Variants in YTHDF3 observed in about 807,000 individuals in gnomAD.
YTHDF3 encodes YTH N6-methyladenosine RNA binding protein F3.
Under a neutral mutation model 52.5 loss-of-function variants are expected in YTHDF3, and 9 were observed. That is an observed-to-expected ratio of 0.17 (90% CI 0.10 to 0.30). YTHDF3 has a LOEUF of 0.30. Ranked by LOEUF, YTHDF3 falls within the 10% of genes least tolerant of loss-of-function variation. The pLI is 1.00. For missense variants in YTHDF3, 534 were observed against 715.0 expected, an observed-to-expected ratio of 0.75 and a Z score of 2.89; for synonymous variants, 274 against 243.3, an observed-to-expected ratio of 1.13 and a Z score of -1.18.
intron 3 of YTHDF3, among the ~76,000 whole-genome samples, chr8:63,177,846 C>T (rs1473146326): frequency 4.0e-5 from 6 of 150,870 alleles, no homozygotes; most frequent in African/African-American, 7.3e-5. Flanking sequence ...CAACCTCTGT[C>T]GCCCAGGTTC....
At chr8:63,171,340 T>TA (rs1193014350) in intron 2 of YTHDF3, among the ~76,000 whole-genome samples, 2 of 152,216 alleles carry the variant, frequency 1.3e-5, no homozygotes, top group African/African-American at 2.4e-5. Flanking sequence ...TTCTTGTAAT[T>TA]ACAGTAGTTC....
At chr8:63,185,850 T>A (rs1585757358) in intron 3 of YTHDF3, among the ~76,000 whole-genome samples, 1 of 152,212 alleles carries the variant, frequency 6.6e-6, no homozygotes, top group African/African-American at 2.4e-5. Context: ...ATGATATTTT[T>A]AAATTGTGAC....
Position 63,168,674 on chromosome 8 carries a change from G to A in YTHDF3, c.-204G>A, listed in dbSNP as rs543292666. 97 of 903,818 alleles carry A rather than the reference G, an allele frequency of 1.1e-4. No homozygotes were observed. The African/African-American group carries it at 1.6e-3, about 15-fold the overall frequency. The allele number at this position is 903,818 out of a possible 1,614,324, so 56.0% of individuals were successfully genotyped here. ...GACCCGAGAAGCAGAGAGCGAGAGG[G>A]GGAAGAGGAGCGTGCAAGCGGAAAA... On this transcript the variant is annotated 5_prime_UTR_variant, in exon 1 of 5. Transcript: ENST00000539294.
chr8:63,186,332 T>G lies in YTHDF3; in HGVS notation c.321T>G (p.Ser107Arg). The change falls in exon 4 of 5, where the codon AGT becomes AGG. Residue 107 changes from serine (S) to arginine (R), a missense_variant. This residue lies in a region of YTHDF3 where 196 missense variants were observed against 299.5 expected (regional missense o/e 0.65). Transcript: ENST00000539294. ...ACTATATACCAGATGGTGTATTTAGTCAACCTGGGGCATTAGGAAATACCC... is the reference window on the plus strand; with the variant it reads ...ACTATATACCAGATGGTGTATTTAGGCAACCTGGGGCATTAGGAAATACCC... ...EHHYIPDGVF[S>R]QPGALGNTPP... The G allele has an allele frequency of 6.2e-7, 1 of 1,614,048 alleles. No individual in the cohort carries two copies. Among genetic ancestry groups the G allele is most frequent in the South Asian group, 1.1e-5 (1 of 91,086 alleles).
Position 63,209,665 on chromosome 8 carries a change from GTGTTT to G in YTHDF3, c.1735-16_1735-12del. 6.5e-7 allele frequency: 1 copy of G among 1,536,856 alleles called. No individual in the cohort carries two copies. On this transcript the variant is annotated splice_polypyrimidine_tract_variant and intron_variant, in intron 4 of 4. Transcript: ENST00000539294. ...TCATTGTAATTCTTTTTGTGTGTGT[GTGTTT>G]TTTTTTTTTCAGGAGAGAAATAGAA...
intron 4 of YTHDF3, among the ~76,000 whole-genome samples, chr8:63,200,581 TC>T (rs1395306630): frequency 6.6e-6 from 1 of 152,092 alleles, no homozygotes; most frequent in African/African-American, 2.4e-5. Flanking sequence ...ATTGTGGTAC[TC>T]CCTGCCACAA....
At chr8:63,197,492 C>T (rs929313695) in intron 4 of YTHDF3, among the ~76,000 whole-genome samples, 1 of 152,088 alleles carries the variant, frequency 6.6e-6, no homozygotes, top group Non-Finnish European at 1.5e-5. Context: ...ATTGTCTAAT[C>T]TTTTTGACAG....
At chr8:63,201,068 G>A (rs1809609224) in intron 4 of YTHDF3, among the ~76,000 whole-genome samples, 1 of 152,170 alleles carries the variant, frequency 6.6e-6, no homozygotes, top group East Asian at 1.9e-4. Flanking sequence ...TGTCTTCAAG[G>A]AGCTAAAGTC....
intron 4 of YTHDF3, among the ~76,000 whole-genome samples, chr8:63,206,993 ATTAT>A (rs1213313295): frequency 2.6e-5 from 4 of 152,106 alleles, no homozygotes; most frequent in African/African-American, 9.7e-5. Context: ...GTACCTTGTA[ATTAT>A]TTGTCTCAGT....
intron 2 of YTHDF3, among the ~76,000 whole-genome samples, chr8:63,173,967 T>G (rs1807518016): frequency 6.6e-6 from 1 of 152,180 alleles, no homozygotes; most frequent in African/African-American, 2.4e-5. Context: ...AGTAACATCA[T>G]ATCTTTGATC....
intron 4 of YTHDF3, among the ~76,000 whole-genome samples, chr8:63,200,189 TC>T (rs1809513952): frequency 6.6e-6 from 1 of 152,130 alleles, no homozygotes; most frequent in African/African-American, 2.4e-5. Flanking sequence ...GAGCCTCAGT[TC>T]CTTTTGGCTG....
Position 63,186,761 on chromosome 8 carries a change from G to A in YTHDF3, c.750G>A (p.Pro250=), listed in dbSNP as rs61745071. Residue 250 remains proline, a synonymous_variant, in exon 4 of 5, where the codon CCG becomes CCA. Transcript: ENST00000539294. The part of the protein sequence containing the change: ...AIARKPAKPQ[P]KLKPKGNVGI... ...CCAGAAAGCCTGCCAAACCTCAACC[G>A]AAACTTAAACCCAAGGGCAATGTGG... 96 of 1,613,906 alleles carry A rather than the reference G, an allele frequency of 5.9e-5. No homozygotes were observed. The African/African-American group carries it at 8.3e-4, about 14-fold the overall frequency.
At chr8:63,200,613 G>A (rs1468358613) in intron 4 of YTHDF3, among the ~76,000 whole-genome samples, 4 of 151,788 alleles carry the variant, frequency 2.6e-5, no homozygotes, top group African/African-American at 9.7e-5. Context: ...CCTTTTTATG[G>A]GTGGACCATA....
intron 1 of YTHDF3, 159 bp downstream of exon 1, chr8:63,169,060 C>T (rs1807090641): frequency 7.1e-7 from 1 of 1,409,558 alleles, no homozygotes. Context: ...GGGGCGTGCG[C>T]CCTGGCCCCG....
At chr8:63,177,756 C>CTTA (rs1807795840) in intron 3 of YTHDF3, among the ~76,000 whole-genome samples, 1 of 149,790 alleles carries the variant, frequency 6.7e-6, no homozygotes, top group Admixed American at 6.7e-5. Context: ...TGTTCAAACT[C>CTTA]TTATTTTTTT....
Position 63,186,490 on chromosome 8 carries a change from G to A in YTHDF3, c.479G>A (p.Ser160Asn). 6.2e-7 allele frequency: 1 copy of A among 1,613,992 alleles called. No individual in the cohort carries two copies. Among genetic ancestry groups the A allele is most frequent in the Non-Finnish European group, 8.5e-7 (1 of 1,179,894 alleles). The change falls in exon 4 of 5, where the codon AGT becomes AAT. Residue 160 changes from serine to asparagine, a missense_variant. Transcript: ENST00000539294. ...AYSSSYGYPP[S>N]SLGRAITDGQ... Reference sequence around the variant, plus strand: ...AGTAGCAGTTATGGCTATCCACCTAGTTCTCTTGGGAGAGCTATTACTGAT... The same window carrying A: ...AGTAGCAGTTATGGCTATCCACCTAATTCTCTTGGGAGAGCTATTACTGAT...
intron 4 of YTHDF3, among the ~76,000 whole-genome samples, chr8:63,202,784 A>T (rs142548917): frequency 3.3e-5 from 5 of 151,876 alleles, no homozygotes; most frequent in African/African-American, 9.7e-5. Context: ...CTTTAGCATG[A>T]ATTTTTTTAG....
chr8:63,169,033 G>C lies in YTHDF3; in HGVS notation c.24+132G>C, dbSNP rs374840302. 1.2e-3 allele frequency: 1,728 copies of C among 1,450,784 alleles called. 2 individuals are homozygous for C. The Middle Eastern group carries it at 0.012, about 10-fold the overall frequency. 89.9% of individuals were successfully genotyped at this position (1,450,784 alleles called of 1,614,324 possible). A position where few individuals can be genotyped will look rare whatever the true frequency, so the allele number is the denominator to read the frequency against. On this transcript the variant is annotated intron_variant, in intron 1 of 4. Transcript: ENST00000539294. Reference sequence around the variant, plus strand: ...GGTGCCCCGGGCGCAAGTTGCTGCGGTGTAGCTACCCGGGCCGGGGCGTGC... The same window carrying C: ...GGTGCCCCGGGCGCAAGTTGCTGCGCTGTAGCTACCCGGGCCGGGGCGTGC...
At chr8:63,171,248 C>CCTGTCTGTCAGAAT (rs774849248) in intron 2 of YTHDF3, among the ~76,000 whole-genome samples, 31 of 152,122 alleles carry the variant, frequency 2.0e-4, no homozygotes, top group Non-Finnish European at 3.8e-4. Flanking sequence ...AAACATTTTA[C>CCTGTCTGTCAGAAT]CTGTCTGTCA....
Sources: gnomAD v4.1 joint callset for allele counts (sites outside exome capture counted in the v4.1 genomes callset) on GRCh38, gnomAD v4.1.1 for gene constraint, gnomAD v4.1.1 regional missense constraint, MANE v1.5 for transcripts, NCBI Gene and HGNC (gene_info 2026-07-23, HGNC 2026-07-21) for gene names.